The following RPL28 variants were observed in gnomAD, a reference collection of about 807,000 sequenced individuals.
RPL28 encodes the protein ribosomal protein L28.
Under a neutral mutation model 12.5 loss-of-function variants are expected in RPL28, and 4 were observed. The ratio of observed to expected loss-of-function variants is 0.32; its 90% CI spans 0.16 to 0.73. The LOEUF (loss-of-function observed/expected upper bound fraction) is 0.73. Among genes scored for constraint, RPL28 ranks in the 30% least tolerant of loss-of-function variants. RPL28 has a pLI of 0.66. For synonymous variants in RPL28, 91 were observed against 72.5 expected (o/e 1.26, Z -1.30); for missense variants, 214 against 197.7 (o/e 1.08, Z -0.49).
Position 55,386,500 on chromosome 19 carries a change from G to C in RPL28, c.81+62G>C. ...AGGGTCCTGAGTCTCTTGACTCTGG[G>C]TCAGAGGGCGGGACCTTCGCATGTC... is the stretch of plus-strand genomic sequence containing the variant. On this transcript the variant is annotated intron_variant, in intron 2 of 4. Coordinates refer to ENST00000344063, the MANE Select transcript of RPL28 (RefSeq NM_000991.5). 1 of 1,601,298 alleles carries C rather than the reference G, an allele frequency of 6.2e-7. No homozygotes were observed. Among genetic ancestry groups the C allele is most frequent in the Non-Finnish European group, 8.6e-7 (1 of 1,168,688 alleles).
chr19:55,397,632 G>C (rs566449641), intron 4 of RPL28, among the ~76,000 whole-genome samples: 3 of 151,944 alleles, frequency 2.0e-5, no homozygotes, highest in Non-Finnish European at 4.4e-5. Flanking sequence ...CACCCGCCTC[G>C]ACCTCCCAAA....
At chr19:55,402,742 C>T (rs1403451322) in intron 4 of RPL28, among the ~76,000 whole-genome samples, 1 of 152,132 alleles carries the variant, frequency 6.6e-6, no homozygotes, top group Non-Finnish European at 1.5e-5. Flanking sequence ...AGGCCTGGAG[C>T]TCGGTGCCAA....
chr19:55,403,262 T>C (rs1452911965), downstream of RPL28: 2 of 575,336 alleles, frequency 3.5e-6, no homozygotes, highest in Admixed American at 3.1e-5. Context: ...GGAACTGAGT[T>C]TTACGGCATG....
At chr19:55,400,053 A>AG (rs2090045918) in intron 4 of RPL28, 1 of 152,168 alleles carries the variant, frequency 6.6e-6, no homozygotes, top group Admixed American at 6.5e-5. Flanking sequence ...GGCTCAAGGA[A>AG]GGGTCAGACC....
intron 4 of RPL28, among the ~76,000 whole-genome samples, chr19:55,398,323 A>G (rs2090036331): frequency 6.6e-6 from 1 of 152,234 alleles, no homozygotes; most frequent in South Asian, 2.1e-4. Context: ...CTCGATGTAA[A>G]TGAAAACCAA....
Position 55,402,411 on chromosome 19 carries a change from A to G in RPL28, c.325-532A>G, listed in dbSNP as rs532605748. 5.3e-5 allele frequency among the ~76,000 whole-genome samples: 8 copies of G among 152,324 alleles called. No individual in the cohort carries two copies. In the East Asian group the frequency reaches 1.5e-3, roughly 29 times the overall value. On this transcript the variant is annotated intron_variant, in intron 4 of 4. Coordinates refer to the RPL28 transcript ENST00000560055. ...GAGGTGCACTTCGAGGGTGGTCCAG[A>G]GATTCCTCTCAACCCCCTTCACAGC...
intron 4 of RPL28, chr19:55,401,215 G>A (rs1336623529): frequency 4.9e-6 from 3 of 608,110 alleles, no homozygotes; most frequent in Non-Finnish European, 8.6e-6. Context: ...GCCTGTGCAG[G>A]GGAGCCAAAC....
chr19:55,398,142 G>C (rs2123301116), intron 4 of RPL28, among the ~76,000 whole-genome samples: 1 of 152,302 alleles, frequency 6.6e-6, no homozygotes, highest in Non-Finnish European at 1.5e-5. Flanking sequence ...GTTGCAATGA[G>C]CTGAGATTGT....
intron 4 of RPL28, among the ~76,000 whole-genome samples, chr19:55,402,614 G>C (rs536189827): frequency 6.6e-6 from 1 of 152,270 alleles, no homozygotes; most frequent in South Asian, 2.1e-4. Context: ...TATCACTGAT[G>C]GTGACCAGGA....
intron 4 of RPL28, among the ~76,000 whole-genome samples, chr19:55,399,256 T>C (rs551913840): frequency 6.6e-6 from 1 of 152,280 alleles, no homozygotes; most frequent in East Asian, 1.9e-4. Flanking sequence ...AACCTCTGTG[T>C]CCCAGGTTCA....
Position 55,389,363 on chromosome 19 carries a change from C to T in RPL28, c.*1031C>T. 1 of 982,474 alleles carries T rather than the reference C, an allele frequency of 1.0e-6. No homozygotes were observed. The highest frequency in any genetic ancestry group is 1.2e-6 in the Non-Finnish European group (1 of 828,536). The allele number at this position is 982,474 out of a possible 1,614,324, so 60.9% of individuals were successfully genotyped here. On this transcript the variant is annotated 3_prime_UTR_variant, in exon 5 of 5. Coordinates refer to ENST00000344063, the MANE Select transcript of RPL28 (RefSeq NM_000991.5). ...AAGACACCATGACACACAGTGAGGC[C>T]TGGATGGGGAAAGAGTCCTGCTGTT...
intron 3 of RPL28, chr19:55,387,423 T>C (rs2089942975): frequency 3.9e-6 from 6 of 1,539,708 alleles, no homozygotes; most frequent in Non-Finnish European, 4.4e-6. Flanking sequence ...AGCCAATTGC[T>C]TGGCACTTGG....
chr19:55,386,683 G>A lies in RPL28; in HGVS notation c.195G>A (p.Lys65=). The change falls in exon 3 of 5, where the codon AAG becomes AAA. Residue 65 remains lysine (K), a synonymous_variant. Coordinates refer to ENST00000344063, the MANE Select transcript of RPL28 (RefSeq NM_000991.5). ...GCAAAGGTGTCGTGGTGGTCATTAA[G>A]CGGAGATCCGGTGAGTTTTGTCTGG... The part of the protein sequence containing the change: ...ADGKGVVVVI[K]RRSGQRKPAT... 6.2e-7 allele frequency: 1 copy of A among 1,614,172 alleles called. No individual in the cohort carries two copies. The highest frequency in any genetic ancestry group is 8.5e-7 in the Non-Finnish European group (1 of 1,180,022).
Position 55,385,967 on chromosome 19 carries a change from T to G in RPL28, c.-9+2T>G. ...CTCAGGTCGCCGCTGCGAAGGGAGG[T>G]GAGCGTTCGTCTTCCTCGCGTGGTC... is the stretch of plus-strand genomic sequence containing the variant. On this transcript the variant is annotated splice_donor_variant, in intron 1 of 4. Coordinates refer to ENST00000344063, the MANE Select transcript of RPL28 (RefSeq NM_000991.5). LOFTEE classifies it low-confidence loss of function (5UTR_SPLICE). 4.0e-6 allele frequency: 1 copy of G among 249,156 alleles called. No homozygotes were observed. The highest frequency in any genetic ancestry group is 8.2e-6 in the Non-Finnish European group (1 of 121,614). 15.4% of individuals were successfully genotyped at this position (249,156 alleles called of 1,614,324 possible).
chr19:55,403,271 T>C (rs574951250), downstream of RPL28: 19 of 574,062 alleles, frequency 3.3e-5, no homozygotes, highest in Admixed American at 2.5e-4. Context: ...TTTTACGGCA[T>C]GTAAGCTCAG....
downstream of RPL28, among the ~76,000 whole-genome samples, chr19:55,397,015 G>A (rs2090029027): frequency 6.6e-6 from 1 of 152,058 alleles, no homozygotes; most frequent in African/African-American, 2.4e-5. Flanking sequence ...GAGTAGCTGG[G>A]ACTACAGGTG....
intron 3 of RPL28, chr19:55,387,244 G>C (rs901613266): frequency 3.3e-6 from 5 of 1,537,122 alleles, no homozygotes; most frequent in East Asian, 2.4e-5. Context: ...GAGGAGTCCA[G>C]CTTCACATGT....
intron 3 of RPL28, chr19:55,387,330 G>A: frequency 6.4e-7 from 1 of 1,551,686 alleles, no homozygotes; most frequent in Non-Finnish European, 8.7e-7. Context: ...TCAGAGCCAA[G>A]GGTCCTTTTA....
intron 3 of RPL28, chr19:55,387,057 C>T: frequency 7.0e-7 from 1 of 1,430,420 alleles, no homozygotes; most frequent in South Asian, 1.5e-5. Flanking sequence ...AGGGGAGGGG[C>T]CCTCGCTACC....
Sources: gnomAD v4.1 joint callset for allele counts (sites outside exome capture counted in the v4.1 genomes callset) on GRCh38, gnomAD v4.1.1 for gene constraint, MANE v1.5 for transcripts, NCBI Gene and HGNC (gene_info 2026-07-23, HGNC 2026-07-21) for gene names.